Variants in PBX2 observed in about 807,000 individuals in gnomAD.
The protein encoded by PBX2 is pre-B-cell leukemia transcription factor 2.
A neutral mutation model predicts 46.5 loss-of-function variants in PBX2; 10 were observed. The ratio of observed to expected loss-of-function variants is 0.21; its 90% confidence interval spans 0.13 to 0.36. The LOEUF is 0.36. Among genes scored for constraint, PBX2 ranks in the 10% least tolerant of loss-of-function variants. The pLI is 1.00. For missense variants in PBX2, 392 were observed against 580.5 expected (o/e 0.68, Z 3.34); for synonymous variants, 160 against 222.5 (o/e 0.72, Z 2.50).
Position 32,188,309 on chromosome 6 carries a change from T to C in PBX2, c.491A>G (p.Lys164Arg), listed in dbSNP as rs1787235043. The C allele has an allele frequency of 1.2e-6, 2 of 1,614,044 alleles. No individual in the cohort carries two copies. The highest frequency in any genetic ancestry group is 8.5e-7 in the Non-Finnish European group (1 of 1,180,014). ...NSIEHSDYRS[K>R]LAQIRHIYHS... ...GTATATGTGACGGATCTGGGCAAGT[T>C]TGCTGCGATAGTCCGAGTGTTCGAT... The change falls in exon 3 of 9, where the codon AAA becomes AGA. Residue 164 changes from lysine to arginine, a missense_variant. By Grantham distance (26) the Lys-to-Arg change is conservative. This residue lies in a region of PBX2 where 196 missense variants were observed against 246.9 expected (regional missense o/e 0.79). Coordinates refer to ENST00000375050, the MANE Select transcript of PBX2 (RefSeq NM_002586.5). This position sits in a 1 kb window ranked among gnomAD's most constrained non-coding sequence, Gnocchi z 6.5.
rs776221309 is a variant in PBX2 at position 32,188,071 on chromosome 6, C to T, written c.629G>A (p.Arg210His). ...CTTTCGATGGATGATGCTCACCATG[C>T]GTTCCATCTCTTTGGGGGCCACGGG... ...TRPVAPKEME[R>H]MVSIIHRKFS... The change falls in exon 4 of 9, where the codon CGC (arginine) becomes CAC (histidine). Residue 210 changes from arginine to histidine, a missense_variant. This residue lies in a region of PBX2 where 80 missense variants were observed against 175.7 expected (regional missense o/e 0.46). Transcript: ENST00000375050. This position sits in a 1 kb window ranked among gnomAD's most constrained non-coding sequence, Gnocchi z 6.5. 23 of 1,597,366 alleles carry T rather than the reference C, an allele frequency of 1.4e-5. No homozygotes were observed. The highest frequency in any genetic ancestry group is 2.2e-5 in the East Asian group (1 of 44,470).
At position 32,189,623 on chromosome 6, in the gene PBX2, C is replaced by G. The variant is rs983713613; in HGVS notation, c.221+72G>C. ...GAGAGGGCCCTGGAGTTGGGGGGGG[C>G]TCCCAGAAGATTCAGAACATGTGAA... On this transcript the variant is annotated intron_variant, in intron 1 of 8. Coordinates refer to ENST00000375050, the MANE Select transcript of PBX2 (RefSeq NM_002586.5). The surrounding 1 kb of genome is among the most constrained non-coding windows in gnomAD (Gnocchi z 4.7). 6 of 1,154,298 alleles carry G rather than the reference C, an allele frequency of 5.2e-6. No homozygotes were observed. The highest frequency in any genetic ancestry group is 7.6e-6 in the Non-Finnish European group (6 of 786,692). The allele number at this position is 1,154,298 out of a possible 1,614,324, so 71.5% of individuals were successfully genotyped here. A position where few individuals can be genotyped will look rare whatever the true frequency, so the allele number is the denominator to read the frequency against.
In PBX2 at chr6:32,187,208, C is replaced by CA; in HGVS notation, c.1024+33dup. 1 of 1,611,328 alleles carries CA rather than the reference C, an allele frequency of 6.2e-7. No homozygotes were observed. The highest frequency in any genetic ancestry group is 8.5e-7 in the Non-Finnish European group (1 of 1,179,648). Reference sequence around the variant, plus strand: ...AGTGGGAACAAAAGCAGGAAGTGTGCAAAACAGTCAGCCGGGGTGACAGTG... The same window carrying CA: ...AGTGGGAACAAAAGCAGGAAGTGTGCAAAAACAGTCAGCCGGGGTGACAGTG... On this transcript the variant is annotated intron_variant, in intron 6 of 8. Transcript: ENST00000375050. The surrounding 1 kb of genome is among the most constrained non-coding windows in gnomAD (Gnocchi z 7.7).
At position 32,186,504 on chromosome 6, in the gene PBX2, GAGAA is replaced by G. The variant is rs1561891549; in HGVS notation, c.1201-34_1201-31del. 1.9e-6 allele frequency: 3 copies of G among 1,606,094 alleles called. No homozygotes were observed. Among genetic ancestry groups the G allele is most frequent in the African/African-American group, 2.7e-5 (2 of 74,758 alleles). On this transcript the variant is annotated intron_variant, in intron 8 of 8. Coordinates refer to ENST00000375050, the MANE Select transcript of PBX2 (RefSeq NM_002586.5). The surrounding 1 kb of genome is among the most constrained non-coding windows in gnomAD (Gnocchi z 4.2). ...AAGGAGAGACAGAGTACAGAAAACAGAGAAAGCCCTGGGAACCCTGTGTGGGCAC... is the reference window on the plus strand; with the variant it reads ...AAGGAGAGACAGAGTACAGAAAACAGAGCCCTGGGAACCCTGTGTGGGCAC...
Position 32,185,458 on chromosome 6 carries a change from GT to G in PBX2, c.*923del, listed in dbSNP as rs1365353293. On this transcript the variant is annotated 3_prime_UTR_variant, in exon 9 of 9. Coordinates refer to ENST00000375050, the MANE Select transcript of PBX2 (RefSeq NM_002586.5). ...TGGAGCCAGGGGGGCCTCTTTACCA[GT>G]TCTGTTTGTCCCCCTTTCTCTTACC... 2.0e-5 allele frequency: 3 copies of G among 151,272 alleles called. No individual in the cohort carries two copies. The highest frequency in any genetic ancestry group is 4.4e-5 in the Non-Finnish European group (3 of 67,926). 9.4% of individuals were successfully genotyped at this position (151,272 alleles called of 1,614,324 possible). A position where few individuals can be genotyped will look rare whatever the true frequency, so the allele number is the denominator to read the frequency against.
rs1308755381 is a variant in PBX2 at position 32,188,817 on chromosome 6, G to A, written c.222-21C>T. 4 of 1,610,314 alleles carry A rather than the reference G, an allele frequency of 2.5e-6. No individual in the cohort carries two copies. Among genetic ancestry groups the A allele is most frequent in the Non-Finnish European group, 3.4e-6 (4 of 1,177,834 alleles). ...GTTTCCTTGGGAGGAGTGGGAGTGG[G>A]GAAAGAGAAAAGTTGAGGAGCTAGA... On this transcript the variant is annotated intron_variant, in intron 1 of 8. Transcript: ENST00000375050. This position sits in a 1 kb window ranked among gnomAD's most constrained non-coding sequence, Gnocchi z 6.5.
chr6:32,185,437 G>A lies in PBX2; in HGVS notation c.*945C>T, dbSNP rs1033725719. The A allele has an allele frequency of 6.6e-6, 1 of 151,902 alleles. No individual in the cohort carries two copies. The highest frequency in any genetic ancestry group is 2.4e-5 in the African/African-American group (1 of 41,296). 9.4% of individuals were successfully genotyped at this position (151,902 alleles called of 1,614,324 possible). A position where few individuals can be genotyped will look rare whatever the true frequency, so the allele number is the denominator to read the frequency against. The stretch of plus-strand genomic sequence containing the variant: ...TTACTTCCTGATGGACAGGCCTGGA[G>A]CCAGGGGGGCCTCTTTACCAGTTCT... On this transcript the variant is annotated 3_prime_UTR_variant, in exon 9 of 9. Coordinates refer to ENST00000375050, the MANE Select transcript of PBX2 (RefSeq NM_002586.5).
In PBX2 at chr6:32,189,870, C is replaced by T. The variant is rs528299431; in HGVS notation, c.46G>A (p.Gly16Arg). 6.7e-6 allele frequency: 10 copies of T among 1,487,786 alleles called. No homozygotes were observed. In the Admixed American group the frequency reaches 6.8e-5, roughly 10 times the overall value. The allele number at this position is 1,487,786 out of a possible 1,614,324, so 92.2% of individuals were successfully genotyped here. Residue 16 changes from glycine (G) to arginine (R), a missense_variant, in exon 1 of 9, where the codon GGG becomes AGG. Around this residue, in one of 3 missense-constraint regions of PBX2, gnomAD observed 196 missense variants for 246.9 expected, o/e 0.79. Coordinates refer to ENST00000375050, the MANE Select transcript of PBX2 (RefSeq NM_002586.5). The surrounding 1 kb of genome is among the most constrained non-coding windows in gnomAD (Gnocchi z 4.7). Reference sequence around the variant, plus strand: ...TCCCCACTCACCAATCCCAGGCCCCCCCGGCCCCCGCCTGGAGGGGGCGGC... The same window carrying T: ...TCCCCACTCACCAATCCCAGGCCCCTCCGGCCCCCGCCTGGAGGGGGCGGC... ...LGPPPPGGGRGGLGLVSGEPG... is the reference protein window; with the variant it reads ...LGPPPPGGGRRGLGLVSGEPG...
chr6:32,189,660 G>A lies in PBX2; in HGVS notation c.221+35C>T, dbSNP rs199677673. 6.6e-7 allele frequency: 1 copy of A among 1,511,746 alleles called. No homozygotes were observed. Among genetic ancestry groups the A allele is most frequent in the Admixed American group, 1.7e-5 (1 of 58,158 alleles). 93.6% of individuals were successfully genotyped at this position (1,511,746 alleles called of 1,614,324 possible). ...TCAGAACATGTGAACGGGGTTTGCT[G>A]GGTCTGTGTGGGGTCCCGGAGTGGG... On this transcript the variant is annotated intron_variant, in intron 1 of 8. Coordinates refer to ENST00000375050, the MANE Select transcript of PBX2 (RefSeq NM_002586.5). The surrounding 1 kb of genome is among the most constrained non-coding windows in gnomAD (Gnocchi z 4.7).
chr6:32,188,814 T>G lies in PBX2; in HGVS notation c.222-18A>C, dbSNP rs1787266445. 1.2e-6 allele frequency: 2 copies of G among 1,605,560 alleles called. No individual in the cohort carries two copies. Among genetic ancestry groups the G allele is most frequent in the African/African-American group, 2.7e-5 (2 of 73,102 alleles). On this transcript the variant is annotated intron_variant, in intron 1 of 8. Transcript: ENST00000375050. The surrounding 1 kb of genome is among the most constrained non-coding windows in gnomAD (Gnocchi z 6.5). ...CGTGTTTCCTTGGGAGGAGTGGGAGTGGGGAAAGAGAAAAGTTGAGGAGCT... is the reference window on the plus strand; with the variant it reads ...CGTGTTTCCTTGGGAGGAGTGGGAGGGGGGAAAGAGAAAAGTTGAGGAGCT...
rs1275864581 is a variant in PBX2, at chr6:32,188,050, C to T, written c.650G>A (p.Arg217Gln). Residue 217 changes from arginine to glutamine, a missense_variant, in exon 4 of 9, where the codon CGA (arginine) becomes CAA (glutamine). Physicochemically the swap from Arg to Gln is conservative, Grantham distance 43. Transcript: ENST00000375050. This position sits in a 1 kb window ranked among gnomAD's most constrained non-coding sequence, Gnocchi z 6.5. ...CTGCATCTGGATGGCGCTGAACTTTCGATGGATGATGCTCACCATGCGTTC... is the reference window on the plus strand; with the variant it reads ...CTGCATCTGGATGGCGCTGAACTTTTGATGGATGATGCTCACCATGCGTTC... ...EMERMVSIIH[R>Q]KFSAIQMQLK... 39 of 1,595,198 alleles carry T rather than the reference C, an allele frequency of 2.4e-5. No individual in the cohort carries two copies. The highest frequency in any genetic ancestry group is 2.9e-5 in the Non-Finnish European group (34 of 1,169,690).
In PBX2 at chr6:32,189,602, G is replaced by A; in HGVS notation, c.221+93C>T. 4.5e-6 allele frequency: 4 copies of A among 890,390 alleles called. No individual in the cohort carries two copies. The allele number at this position is 890,390 out of a possible 1,614,324, so 55.2% of individuals were successfully genotyped here. A position where few individuals can be genotyped will look rare whatever the true frequency, so the allele number is the denominator to read the frequency against. The stretch of plus-strand genomic sequence containing the variant: ...GAAGAGAGCTGTTGGATCCTGGAGA[G>A]GGCCCTGGAGTTGGGGGGGGCTCCC... On this transcript the variant is annotated intron_variant, in intron 1 of 8. Coordinates refer to ENST00000375050, the MANE Select transcript of PBX2 (RefSeq NM_002586.5). The surrounding 1 kb of genome is among the most constrained non-coding windows in gnomAD (Gnocchi z 4.7).
rs1191603334 is a variant in PBX2 at position 32,188,086 on chromosome 6, G to C, written c.614C>G (p.Pro205Arg). The change falls in exon 4 of 9, where the codon CCC becomes CGC. Residue 205 changes from proline (P) to arginine (R), a missense_variant. By Grantham distance (103) the Pro-to-Arg change is moderately radical (BLOSUM62 -2). This residue lies in a region of PBX2 where 80 missense variants were observed against 175.7 expected (regional missense o/e 0.46). Transcript: ENST00000375050. The surrounding 1 kb of genome is among the most constrained non-coding windows in gnomAD (Gnocchi z 6.5). ...REQSRTRPVA[P>R]KEMERMVSII... Reference sequence around the variant, plus strand: ...GCTCACCATGCGTTCCATCTCTTTGGGGGCCACGGGCCTGGTGCGGCTCTG... The same window carrying C: ...GCTCACCATGCGTTCCATCTCTTTGCGGGCCACGGGCCTGGTGCGGCTCTG... The C allele has an allele frequency of 1.3e-6, 2 of 1,596,312 alleles. No individual in the cohort carries two copies. Among genetic ancestry groups the C allele is most frequent in the Non-Finnish European group, 1.7e-6 (2 of 1,169,560 alleles).
At position 32,188,296 on chromosome 6, in the gene PBX2, G is replaced by T. The variant is rs377325172; in HGVS notation, c.504C>A (p.Ile168=). 1 of 1,614,020 alleles carries T rather than the reference G, an allele frequency of 6.2e-7. No individual in the cohort carries two copies. Residue 168 remains isoleucine, a synonymous_variant, in exon 3 of 9, where the codon ATC becomes ATA. Transcript: ENST00000375050. This position sits in a 1 kb window ranked among gnomAD's most constrained non-coding sequence, Gnocchi z 6.5. ...HSDYRSKLAQ[I]RHIYHSELEK... ...CCAGCTCCGAGTGGTATATGTGACG[G>T]ATCTGGGCAAGTTTGCTGCGATAGT... is the stretch of plus-strand genomic sequence containing the variant.
Position 32,188,663 on chromosome 6 carries a change from G to A in PBX2, c.295+60C>T. 3.1e-6 allele frequency: 5 copies of A among 1,589,358 alleles called. No homozygotes were observed. The highest frequency in any genetic ancestry group is 4.3e-6 in the Non-Finnish European group (5 of 1,158,754). ...CAGGGCCCCAAGTTGTCACACTCTA[G>A]CCCTATAATGAACAGGGTTCTGTTC... is the stretch of plus-strand genomic sequence containing the variant. On this transcript the variant is annotated intron_variant, in intron 2 of 8. Transcript: ENST00000375050. This position sits in a 1 kb window ranked among gnomAD's most constrained non-coding sequence, Gnocchi z 6.5.
In PBX2 at chr6:32,189,844, C is replaced by G. The variant is rs1787335823; in HGVS notation, c.72G>C (p.Glu24Asp). ...CGGGAGGCTCGCCAGGGCCCCCAGG[C>G]TCCCCACTCACCAATCCCAGGCCCC... is the stretch of plus-strand genomic sequence containing the variant. ...GRGGLGLVSG[E>D]PGGPGEPPGG... Residue 24 changes from glutamate to aspartate, a missense_variant, in exon 1 of 9, where the codon GAG (glutamate) becomes GAC (aspartate). By Grantham distance (45) the Glu-to-Asp change is conservative. This residue lies in a region of PBX2 where 196 missense variants were observed against 246.9 expected (regional missense o/e 0.79). Coordinates refer to ENST00000375050, the MANE Select transcript of PBX2 (RefSeq NM_002586.5). This position sits in a 1 kb window ranked among gnomAD's most constrained non-coding sequence, Gnocchi z 4.7. 1 of 1,574,412 alleles carries G rather than the reference C, an allele frequency of 6.4e-7. No individual in the cohort carries two copies. The highest frequency in any genetic ancestry group is 8.6e-7 in the Non-Finnish European group (1 of 1,158,522).
chr6:32,187,623 C>T lies in PBX2; in HGVS notation c.870+24G>A, dbSNP rs1211896224. On this transcript the variant is annotated intron_variant, in intron 5 of 8. Transcript: ENST00000375050. The surrounding 1 kb of genome is among the most constrained non-coding windows in gnomAD (Gnocchi z 7.7). ...GAGATGCGTGCACTTTGCCTGACAA[C>T]TCCTCCCGCAACCTCCATAATACCT... 6.3e-7 allele frequency: 1 copy of T among 1,577,166 alleles called. No homozygotes were observed. Among genetic ancestry groups the T allele is most frequent in the East Asian group, 2.3e-5 (1 of 43,438 alleles).
rs2127448500 is a variant in PBX2, at chr6:32,188,638, C to T, written c.295+85G>A. On this transcript the variant is annotated intron_variant, in intron 2 of 8. Coordinates refer to ENST00000375050, the MANE Select transcript of PBX2 (RefSeq NM_002586.5). The surrounding 1 kb of genome is among the most constrained non-coding windows in gnomAD (Gnocchi z 6.5). ...AGTCCCCCTGACTCCTTACTTTCCT[C>T]AGGGCCCCAAGTTGTCACACTCTAG... The T allele has an allele frequency of 6.3e-7, 1 of 1,578,490 alleles. No homozygotes were observed. The highest frequency in any genetic ancestry group is 8.7e-7 in the Non-Finnish European group (1 of 1,152,054).
Position 32,187,625 on chromosome 6 carries a change from C to A in PBX2, c.870+22G>T. On this transcript the variant is annotated intron_variant, in intron 5 of 8. Transcript: ENST00000375050. The surrounding 1 kb of genome is among the most constrained non-coding windows in gnomAD (Gnocchi z 7.7). ...GATGCGTGCACTTTGCCTGACAACT[C>A]CTCCCGCAACCTCCATAATACCTGA... 6.3e-7 allele frequency: 1 copy of A among 1,577,494 alleles called. No individual in the cohort carries two copies. Among genetic ancestry groups the A allele is most frequent in the Non-Finnish European group, 8.6e-7 (1 of 1,161,212 alleles).
Sources: allele counts gnomAD v4.1 joint callset, GRCh38; gene constraint gnomAD v4.1.1; regional missense constraint gnomAD v4.1.1; non-coding constraint Gnocchi (gnomAD v3.1); transcripts MANE v1.5; gene names NCBI Gene and HGNC (gene_info 2026-07-23, HGNC 2026-07-21).